CHRM3: variants seen among roughly 807,000 people sequenced by gnomAD.
CHRM3 encodes the protein cholinergic receptor muscarinic 3, also known as muscarinic acetylcholine receptor M3.
A neutral mutation model predicts 41.8 loss-of-function variants in CHRM3; 11 were observed. That is an observed-to-expected ratio of 0.26 (90% CI 0.17 to 0.44). The LOEUF (loss-of-function observed/expected upper bound fraction) is 0.44. CHRM3 is among the 20% of genes least tolerant of loss of function. The probability of loss-of-function intolerance (pLI) is 1.00; values close to 1 mark genes in which losing one functional copy is unlikely to be tolerated. For synonymous variants in CHRM3, 297 were observed against 301.4 expected, an observed-to-expected ratio of 0.99 and a Z score of 0.15; for missense variants, 571 against 745.4, an observed-to-expected ratio of 0.77 and a Z score of 2.72.
chr1:239,618,831 G>A (rs543850092), intron 3 of CHRM3, among the ~76,000 whole-genome samples: 106 of 131,824 alleles, frequency 8.0e-4, no homozygotes, highest in Middle Eastern at 4.6e-3. Context: ...GAGACAGAGC[G>A]AGACTCTGTC....
At chr1:239,408,172 C>T (rs915203490) in intron 1 of CHRM3, 2 of 152,056 alleles carry the variant, frequency 1.3e-5, no homozygotes, top group Admixed American at 6.6e-5. Context: ...AAGCGGCTTT[C>T]CCCGACTTCA....
intron 3 of CHRM3, among the ~76,000 whole-genome samples, chr1:239,557,356 A>G (rs531993149): frequency 6.6e-5 from 10 of 152,298 alleles, no homozygotes; most frequent in African/African-American, 2.4e-4. Context: ...CTCTCTGACC[A>G]TCATTACTCC....
chr1:239,773,736 C>A (rs1198522279), intron 5 of CHRM3, among the ~76,000 whole-genome samples: 1 of 152,166 alleles, frequency 6.6e-6, no homozygotes, highest in African/African-American at 2.4e-5. Context: ...ATGAAGATGG[C>A]TAGTTGTAAT....
chr1:239,562,631 C>A (rs1572718156), intron 3 of CHRM3, among the ~76,000 whole-genome samples: 1 of 151,894 alleles, frequency 6.6e-6, no homozygotes, highest in Non-Finnish European at 1.5e-5. Flanking sequence ...GGCTCACGCC[C>A]ATAATCCCAG....
At chr1:239,426,428 G>C (rs1188296052) in intron 1 of CHRM3, among the ~76,000 whole-genome samples, 1 of 140,818 alleles carries the variant, frequency 7.1e-6, no homozygotes, top group Admixed American at 7.4e-5. Context: ...AGCCAGTCAT[G>C]AATGACTTTC....
chr1:239,441,466 A>C (rs984174181), intron 1 of CHRM3, among the ~76,000 whole-genome samples: 1 of 152,186 alleles, frequency 6.6e-6, no homozygotes, highest in African/African-American at 2.4e-5. Context: ...AGAAATTCCA[A>C]TATTTGTCTA....
intron 6 of CHRM3, among the ~76,000 whole-genome samples, chr1:239,869,274 CAG>C (rs1050698730): frequency 6.6e-6 from 1 of 152,116 alleles, no homozygotes; most frequent in African/African-American, 2.4e-5. Context: ...TGGAGGAAGA[CAG>C]AGTCAAGAAT....
At chr1:239,881,884 C>G (rs1242739764) in intron 6 of CHRM3, among the ~76,000 whole-genome samples, 1 of 151,392 alleles carries the variant, frequency 6.6e-6, no homozygotes, top group Non-Finnish European at 1.5e-5. Flanking sequence ...AACTGGAGGA[C>G]AACTCATTAC....
chr1:239,472,567 A>G (rs2147948272), intron 1 of CHRM3, among the ~76,000 whole-genome samples: 1 of 152,318 alleles, frequency 6.6e-6, no homozygotes, highest in East Asian at 1.9e-4. Context: ...ACAGATAACA[A>G]CTTTGCAGGG....
intron 5 of CHRM3, among the ~76,000 whole-genome samples, chr1:239,761,356 A>G (rs1019914920): frequency 6.6e-6 from 1 of 152,094 alleles, no homozygotes; most frequent in African/African-American, 2.4e-5. Flanking sequence ...GATATCGTCT[A>G]TGTCATGTCT....
At chr1:239,428,905 T>A (rs1372915216) in intron 1 of CHRM3, among the ~76,000 whole-genome samples, 2 of 152,244 alleles carry the variant, frequency 1.3e-5, no homozygotes, top group Non-Finnish European at 2.9e-5. Flanking sequence ...CTAATCATTT[T>A]TAGTGGCTGA....
chr1:239,417,953 G>A (rs537180480), intron 1 of CHRM3, among the ~76,000 whole-genome samples: 2 of 152,266 alleles, frequency 1.3e-5, no homozygotes, highest in African/African-American at 2.4e-5. Context: ...ATTAAAAACT[G>A]TGTGATAGGT....
chr1:239,785,227 A>T (rs1023283443), intron 5 of CHRM3, among the ~76,000 whole-genome samples: 7 of 152,216 alleles, frequency 4.6e-5, no homozygotes, highest in Non-Finnish European at 1.0e-4. Flanking sequence ...AAAGCCAAGC[A>T]GTTCAGGTCC....
chr1:239,481,734 T>A (rs996520629), intron 1 of CHRM3, among the ~76,000 whole-genome samples: 2 of 152,220 alleles, frequency 1.3e-5, no homozygotes, highest in Admixed American at 1.3e-4. Flanking sequence ...AATTACTGGA[T>A]GAGTGCTATT....
chr1:239,644,066 A>G (rs1671507644), intron 4 of CHRM3, among the ~76,000 whole-genome samples: 1 of 152,210 alleles, frequency 6.6e-6, no homozygotes, highest in Non-Finnish European at 1.5e-5. Context: ...TTCATTGACA[A>G]ATGTGATGTT....
chr1:239,392,018 T>A (rs1659078654), intron 1 of CHRM3, among the ~76,000 whole-genome samples: 1 of 152,156 alleles, frequency 6.6e-6, no homozygotes, highest in Non-Finnish European at 1.5e-5. Context: ...TTCGTAGGAC[T>A]AGGATTTTAT....
intron 3 of CHRM3, among the ~76,000 whole-genome samples, chr1:239,627,877 T>C (rs1438978635): frequency 6.6e-6 from 1 of 151,154 alleles, no homozygotes; most frequent in East Asian, 1.9e-4. Context: ...GATCCGCTGT[T>C]AGTCTGATGG....
At chr1:239,836,926 G>T (rs1673371685) in intron 6 of CHRM3, among the ~76,000 whole-genome samples, 2 of 149,966 alleles carry the variant, frequency 1.3e-5, no homozygotes, top group South Asian at 4.2e-4. Context: ...AGCGAGCCGA[G>T]ATAGCACCAC....
chr1:239,530,737 G>C (rs1471295476), intron 2 of CHRM3, among the ~76,000 whole-genome samples: 1 of 152,116 alleles, frequency 6.6e-6, no homozygotes, highest in East Asian at 1.9e-4. Flanking sequence ...GTCTTGAGAT[G>C]GCAGAAGAAA....
Sources: gnomAD v4.1 joint callset for allele counts (sites outside exome capture counted in the v4.1 genomes callset) on GRCh38, gnomAD v4.1.1 for gene constraint, MANE v1.5 for transcripts, NCBI Gene and HGNC (gene_info 2026-07-23, HGNC 2026-07-21) for gene names.